The following RIMBP2 variants were observed in gnomAD, a reference collection of about 807,000 sequenced individuals.
RIMBP2 encodes the protein RIMS binding protein 2, also known as RIMS-binding protein 2.
Under a neutral mutation model 118.6 loss-of-function variants are expected in RIMBP2, and 48 were observed. That is an observed-to-expected ratio of 0.40 (90% CI 0.32 to 0.51). The LOEUF is 0.51. Among genes scored for constraint, RIMBP2 ranks in the 20% least tolerant of loss-of-function variants. RIMBP2 has a pLI of 0.41. For missense variants in RIMBP2, 1,551 were observed against 1,768.3 expected, an observed-to-expected ratio of 0.88 and a Z score of 2.20; for synonymous variants, 762 against 742.9, an observed-to-expected ratio of 1.03 and a Z score of -0.42.
chr12:130,426,930 C>T (rs965647002), intron 15 of RIMBP2: 1 of 152,252 alleles, frequency 6.6e-6, no homozygotes, highest in Non-Finnish European at 1.5e-5. Context: ...ACAGAGGGGT[C>T]GTGGGGTCAG....
rs2058209616 is a variant in RIMBP2, at chr12:130,578,018, T to C, written c.-217+50304A>G. ...TATAGCTACGGTTTTTACTTGTCAATTATACCTCAACAAAGCTGGGGAAAA... is the reference window on the plus strand; with the variant it reads ...TATAGCTACGGTTTTTACTTGTCAACTATACCTCAACAAAGCTGGGGAAAA... On this transcript the variant is annotated intron_variant, in intron 2 of 22. Transcript: ENST00000690449. The surrounding 1 kb of genome is among the most constrained non-coding windows in gnomAD (Gnocchi z 4.1). Among the ~76,000 whole-genome samples the C allele has an allele frequency of 6.6e-6, 1 of 152,190 alleles. No homozygotes were observed. The highest frequency in any genetic ancestry group is 6.5e-5 in the Admixed American group (1 of 15,282).
intron 19 of RIMBP2, among the ~76,000 whole-genome samples, 169 bp downstream of exon 19, chr12:130,412,450 T>A (rs1262598991): frequency 2.0e-5 from 3 of 152,168 alleles, no homozygotes; most frequent in Non-Finnish European, 4.4e-5. Context: ...GCAGTCCTGG[T>A]TCGTAGGGTG....
chr12:130,707,732 G>A (rs1201411563), intron 1 of RIMBP2, among the ~76,000 whole-genome samples: 2 of 152,182 alleles, frequency 1.3e-5, no homozygotes, highest in African/African-American at 4.8e-5. Context: ...GAGGCAGTGT[G>A]GCCCAGGGAC....
intron 17 of RIMBP2, chr12:130,414,508 G>A: frequency 2.1e-6 from 1 of 487,686 alleles, no homozygotes; most frequent in Non-Finnish European, 3.6e-6. Flanking sequence ...GCCACACTCT[G>A]TACCTGGCCA....
intron 1 of RIMBP2, among the ~76,000 whole-genome samples, chr12:130,632,181 G>T (rs1057146845): frequency 6.6e-6 from 1 of 152,152 alleles, no homozygotes; most frequent in African/African-American, 2.4e-5. Context: ...ACAAATCAAG[G>T]CAGACACCTC....
At position 130,431,870 on chromosome 12, in the gene RIMBP2, T is replaced by G. The variant is rs912037915; in HGVS notation, c.2253+2864A>C. 1.3e-5 allele frequency: 2 copies of G among 156,420 alleles called. No individual in the cohort carries two copies. Among genetic ancestry groups the G allele is most frequent in the African/African-American group, 2.4e-5 (1 of 41,490 alleles). The allele number at this position is 156,420 out of a possible 1,614,324, so 9.7% of individuals were successfully genotyped here. ...TGTAGCAGGTGTGGTCATCCAGAGC[T>G]GGGCGTCAGCACTGGTGGCCACCAG... On this transcript the variant is annotated intron_variant, in intron 14 of 22. Coordinates refer to ENST00000690449, the MANE Select transcript of RIMBP2 (RefSeq NM_001393629.1). This position sits in a 1 kb window ranked among gnomAD's most constrained non-coding sequence, Gnocchi z 4.0.
At chr12:130,679,832 CG>C (rs1392743383) in intron 1 of RIMBP2, among the ~76,000 whole-genome samples, 1 of 152,038 alleles carries the variant, frequency 6.6e-6, no homozygotes, top group African/African-American at 2.4e-5. Flanking sequence ...TCACCCACCG[CG>C]GGAAGGACCT....
At chr12:130,547,552 C>T (rs562072418) in intron 2 of RIMBP2, among the ~76,000 whole-genome samples, 1 of 152,362 alleles carries the variant, frequency 6.6e-6, no homozygotes, top group East Asian at 1.9e-4. Context: ...GGCCTTGAGA[C>T]ATCATAAAAC....
At chr12:130,406,351 T>A in intron 20 of RIMBP2, 108 bp from the exon 21 acceptor site, 1 of 688,620 alleles carries the variant, frequency 1.5e-6, no homozygotes, top group Non-Finnish European at 2.5e-6. Flanking sequence ...TTTCTGGTAT[T>A]AATCTACTCT....
chr12:130,495,272 C>A (rs1313261917), intron 4 of RIMBP2, among the ~76,000 whole-genome samples: 1 of 152,214 alleles, frequency 6.6e-6, no homozygotes, highest in East Asian at 1.9e-4. Flanking sequence ...TGGATTCATG[C>A]CTCTGGACAC....
intron 2 of RIMBP2, among the ~76,000 whole-genome samples, chr12:130,534,936 G>A (rs1464615089): frequency 2.6e-5 from 4 of 152,156 alleles, no homozygotes; most frequent in African/African-American, 9.7e-5. Flanking sequence ...CCACTATTGG[G>A]GCCACTATTA....
At chr12:130,610,728 T>C (rs1783387314) in intron 2 of RIMBP2, among the ~76,000 whole-genome samples, 1 of 151,436 alleles carries the variant, frequency 6.6e-6, no homozygotes, top group Non-Finnish European at 1.5e-5. Flanking sequence ...GCCCGGCTAA[T>C]TTTTTGTATT....
intron 2 of RIMBP2, among the ~76,000 whole-genome samples, chr12:130,564,722 AAG>A (rs2057092169): frequency 6.6e-6 from 1 of 152,180 alleles, no homozygotes; most frequent in South Asian, 2.1e-4. Flanking sequence ...CAGGGGATGT[AAG>A]AGGGGGATGT....
In RIMBP2 at chr12:130,414,286, G is replaced by A; in HGVS notation, c.3259C>T (p.Leu1087Phe). ...GACTCTTCATAGAAGTCTGGAGAAA[G>A]GCGGTCTCGCCCGTAATCGTCTGCG... is the stretch of plus-strand genomic sequence containing the variant. ...PSIDDYGRDRLSPDFYEESET... is the reference protein window; with the variant it reads ...PSIDDYGRDRFSPDFYEESET... Residue 1087 changes from leucine to phenylalanine, a missense_variant, in exon 18 of 23, where the codon CTT becomes TTT. Leu to Phe is a conservative substitution (Grantham distance 22). Transcript: ENST00000690449. The A allele has an allele frequency of 6.2e-7, 1 of 1,601,184 alleles. No individual in the cohort carries two copies. The highest frequency in any genetic ancestry group is 1.1e-5 in the South Asian group (1 of 89,506).
At chr12:130,445,854 T>C (rs759966687) in intron 9 of RIMBP2, among the ~76,000 whole-genome samples, 17 of 152,236 alleles carry the variant, frequency 1.1e-4, no homozygotes, top group Non-Finnish European at 1.5e-4. Context: ...ATATAATTAG[T>C]ATTGCATTAT....
At chr12:130,526,585 T>G (rs958200988) in intron 2 of RIMBP2, among the ~76,000 whole-genome samples, 1 of 152,212 alleles carries the variant, frequency 6.6e-6, no homozygotes, top group Non-Finnish European at 1.5e-5. Context: ...TAAAGTTGTT[T>G]CTCTTTGATC....
chr12:130,579,751 T>C (rs2058335798), intron 2 of RIMBP2, among the ~76,000 whole-genome samples: 1 of 151,346 alleles, frequency 6.6e-6, no homozygotes, highest in South Asian at 2.1e-4. Flanking sequence ...AAATACTAGA[T>C]GAGTGGACCC....
chr12:130,419,042 G>T lies in RIMBP2; in HGVS notation c.3238+3411C>A, dbSNP rs905041826. On this transcript the variant is annotated intron_variant, in intron 17 of 22. Transcript: ENST00000690449. This position sits in a 1 kb window ranked among gnomAD's most constrained non-coding sequence, Gnocchi z 4.3. ...TATGTGAATAAAATCAGCGTATGCG[G>T]TGACTCCACCGTATGTTCTTCCAGA... Among the ~76,000 whole-genome samples the T allele has an allele frequency of 6.6e-6, 1 of 152,210 alleles. No homozygotes were observed. The highest frequency in any genetic ancestry group is 1.5e-5 in the Non-Finnish European group (1 of 68,044).
intron 1 of RIMBP2, among the ~76,000 whole-genome samples, chr12:130,636,442 C>T (rs1234720881): frequency 6.6e-6 from 1 of 152,092 alleles, no homozygotes; most frequent in Non-Finnish European, 1.5e-5. Flanking sequence ...GTTTTTTTAC[C>T]AGCTGAATCA....
Sources: allele counts gnomAD v4.1 joint callset (sites outside exome capture counted in the v4.1 genomes callset), GRCh38; gene constraint gnomAD v4.1.1; non-coding constraint Gnocchi (gnomAD v3.1); transcripts MANE v1.5; gene names NCBI Gene and HGNC (gene_info 2026-07-23, HGNC 2026-07-21).